Variants in WWC2 observed in about 807,000 individuals in gnomAD.
The protein encoded by WWC2 is protein WWC2.
WWC2 carries 101 observed loss-of-function variants against 138.5 expected under a neutral mutation model. The observed-to-expected ratio is 0.73, with a 90% CI of 0.62 to 0.86. WWC2 has a LOEUF of 0.86. Among genes scored for constraint, WWC2 ranks in the 40% least tolerant of loss-of-function variants. The pLI, the probability that WWC2 is intolerant of heterozygous loss-of-function variation, is 0.00. For missense variants in WWC2, 1,420 were observed against 1,419.4 expected (o/e 1.00, Z -0.01); for synonymous variants, 558 against 538.4 (o/e 1.04, Z -0.50).
intron 1 of WWC2, among the ~76,000 whole-genome samples, chr4:183,133,412 GC>G (rs1160523890): frequency 3.9e-5 from 6 of 152,048 alleles, no homozygotes; most frequent in Admixed American, 3.9e-4. Flanking sequence ...ATGTCTTAAT[GC>G]CAGTTAAGTG....
chr4:183,181,402 C>A (rs1734630458), intron 1 of WWC2, among the ~76,000 whole-genome samples: 1 of 152,162 alleles, frequency 6.6e-6, no homozygotes, highest in South Asian at 2.1e-4. Flanking sequence ...AATGACCTTA[C>A]AAGAAAATGT....
At chr4:183,266,940 A>C (rs571261399) in intron 14 of WWC2, among the ~76,000 whole-genome samples, 15 of 152,324 alleles carry the variant, frequency 9.8e-5, no homozygotes, top group Non-Finnish European at 1.5e-4. Flanking sequence ...CTAACATTCC[A>C]ATAATCATCA....
rs192714834 is a variant in WWC2, at chr4:183,250,142, T to G, written c.953+149T>G. 100 of 662,072 alleles carry G rather than the reference T, an allele frequency of 1.5e-4. No homozygotes were observed. In the African/African-American group the frequency reaches 1.7e-3, roughly 11 times the overall value. 41.0% of individuals were successfully genotyped at this position (662,072 alleles called of 1,614,324 possible). The stretch of plus-strand genomic sequence containing the variant: ...TTTAGCATGTCAGGGCTGCTTCCTC[T>G]CTGGTCTACCTTTTCTTCCCCCCGC... On this transcript the variant is annotated intron_variant, in intron 8 of 22. Transcript: ENST00000403733.
chr4:183,309,400 A>G (rs910007639), intron 21 of WWC2, among the ~76,000 whole-genome samples: 3 of 152,214 alleles, frequency 2.0e-5, no homozygotes. Context: ...CAAAACAAAC[A>G]CCCAGTTTAA....
At chr4:183,243,953 C>T (rs1171492141) in intron 5 of WWC2, among the ~76,000 whole-genome samples, 8 of 152,002 alleles carry the variant, frequency 5.3e-5, no homozygotes, top group South Asian at 2.1e-4. Context: ...ATCTATAAAC[C>T]GCTCTTGTTT....
chr4:183,294,480 G>A (rs1580158961), intron 21 of WWC2, among the ~76,000 whole-genome samples: 2 of 152,216 alleles, frequency 1.3e-5, no homozygotes, highest in Admixed American at 6.5e-5. Context: ...GTGTTGCTGT[G>A]TGATGAGGGT....
intron 1 of WWC2, among the ~76,000 whole-genome samples, chr4:183,142,818 T>A (rs1260357697): frequency 6.6e-6 from 1 of 152,192 alleles, no homozygotes; most frequent in Non-Finnish European, 1.5e-5. Context: ...GGCATTAGGG[T>A]GTGGGCTGGG....
chr4:183,254,977 G>T (rs1373775482), intron 9 of WWC2, among the ~76,000 whole-genome samples: 1 of 152,188 alleles, frequency 6.6e-6, no homozygotes, highest in Non-Finnish European at 1.5e-5. Flanking sequence ...GGGGGAGGGA[G>T]AGAGGAAGAC....
rs564033551 is a variant in WWC2 at position 183,167,397 on chromosome 4, G to A, written c.132-26202G>A. ...AAGTGAGAAGAGATACAAGTGAGAA[G>A]TGTGGCAGAGATTTAAGGGAGAGAG... On this transcript the variant is annotated intron_variant, in intron 1 of 22. Coordinates refer to ENST00000403733, the MANE Select transcript of WWC2 (RefSeq NM_024949.6). Among the ~76,000 whole-genome samples the A allele has an allele frequency of 6.6e-5, 10 of 152,284 alleles. No homozygotes were observed. In the South Asian group the frequency reaches 1.5e-3, roughly 22 times the overall value.
chr4:183,122,307 C>T (rs1235699390), intron 1 of WWC2, among the ~76,000 whole-genome samples: 5 of 152,138 alleles, frequency 3.3e-5, no homozygotes, highest in Admixed American at 3.3e-4. Flanking sequence ...TTCCCACACA[C>T]ACAAATTAGT....
chr4:183,190,258 A>C (rs1364768028), intron 1 of WWC2, among the ~76,000 whole-genome samples: 2 of 152,234 alleles, frequency 1.3e-5, no homozygotes, highest in Non-Finnish European at 2.9e-5. Flanking sequence ...AGAAAGCTTG[A>C]ATGTGTAAGA....
intron 1 of WWC2, among the ~76,000 whole-genome samples, chr4:183,128,739 T>C (rs1166053930): frequency 1.3e-5 from 2 of 152,194 alleles, no homozygotes; most frequent in Non-Finnish European, 2.9e-5. Flanking sequence ...ATTTATTGAA[T>C]GAATGGATGA....
In WWC2 at chr4:183,316,944, A is replaced by T. The variant is rs1381420288; in HGVS notation, c.*1215A>T. ...AGATAAACTGACTAATGTGTCCTCC[A>T]GTTTAGAATTTCACCTTACCCGACC... On this transcript the variant is annotated 3_prime_UTR_variant, in exon 23 of 23. Transcript: ENST00000403733. 1 of 152,188 alleles carries T rather than the reference A, an allele frequency of 6.6e-6. No individual in the cohort carries two copies. Among genetic ancestry groups the T allele is most frequent in the African/African-American group, 2.4e-5 (1 of 41,434 alleles). 9.4% of individuals were successfully genotyped at this position (152,188 alleles called of 1,614,324 possible). A position where few individuals can be genotyped will look rare whatever the true frequency, so the allele number is the denominator to read the frequency against.
chr4:183,211,105 A>G (rs1286502087), intron 4 of WWC2, among the ~76,000 whole-genome samples: 1 of 152,158 alleles, frequency 6.6e-6, no homozygotes, highest in Non-Finnish European at 1.5e-5. Context: ...ATATGAGTGC[A>G]TTGCTTAATT....
intron 1 of WWC2, among the ~76,000 whole-genome samples, chr4:183,182,714 T>C (rs922906241): frequency 6.6e-6 from 1 of 152,228 alleles, no homozygotes; most frequent in Non-Finnish European, 1.5e-5. Flanking sequence ...AATGTAATAA[T>C]AGCAAAAATA....
chr4:183,108,579 A>G (rs1732121358), intron 1 of WWC2, among the ~76,000 whole-genome samples: 1 of 152,160 alleles, frequency 6.6e-6, no homozygotes, highest in African/African-American at 2.4e-5. Flanking sequence ...GGTGAAAACT[A>G]AGGAAATCTG....
chr4:183,240,229 T>A lies in WWC2; in HGVS notation c.569T>A (p.Leu190His). Residue 190 changes from leucine to histidine, a missense_variant, in exon 5 of 23, where the codon CTC becomes CAC. Physicochemically the swap from Leu to His is moderately conservative, Grantham distance 99. Transcript: ENST00000403733. ...CTCTCACAGATGAAGCAGGAACTGC[T>A]CTATAAAGAACAAGGCTTTGAAACA... ...RELSQMKQEL[L>H]YKEQGFETLQ... 6.4e-7 allele frequency: 1 copy of A among 1,552,758 alleles called. No homozygotes were observed. The highest frequency in any genetic ancestry group is 8.7e-7 in the Non-Finnish European group (1 of 1,147,956).
intron 22 of WWC2, among the ~76,000 whole-genome samples, chr4:183,313,117 G>A (rs966814746): frequency 6.6e-6 from 1 of 152,116 alleles, no homozygotes; most frequent in Non-Finnish European, 1.5e-5. Flanking sequence ...GTTTTGAGTG[G>A]GACATTGAGG....
At chr4:183,181,660 A>T (rs1327119552) in intron 1 of WWC2, among the ~76,000 whole-genome samples, 1 of 152,166 alleles carries the variant, frequency 6.6e-6, no homozygotes, top group Non-Finnish European at 1.5e-5. Context: ...CTGTTTATGT[A>T]TTGGTGAGGC....
Sources: allele counts gnomAD v4.1 joint callset (sites outside exome capture counted in the v4.1 genomes callset), GRCh38; gene constraint gnomAD v4.1.1; transcripts MANE v1.5; gene names NCBI Gene and HGNC (gene_info 2026-07-23, HGNC 2026-07-21).